The following ODAD4 variants were observed in gnomAD, a reference collection of about 807,000 sequenced individuals.
The protein encoded by ODAD4 is outer dynein arm docking complex subunit 4.
ODAD4 carries 49 observed loss-of-function variants against 51.8 expected under a neutral mutation model. That is an observed-to-expected ratio of 0.95 (90% CI 0.75 to 1.20). The LOEUF (loss-of-function observed/expected upper bound fraction) is 1.20. ODAD4 is among the 50% of genes most tolerant of loss of function. The probability of loss-of-function intolerance (pLI) is 0.00; values close to 1 mark genes in which losing one functional copy is unlikely to be tolerated. For missense variants in ODAD4, 590 were observed against 586.5 expected (o/e 1.01, Z -0.06); for synonymous variants, 235 against 221.3 (o/e 1.06, Z -0.55).
At chr17:41,948,873 C>T (rs940843411) in intron 8 of ODAD4, among the ~76,000 whole-genome samples, 1 of 152,256 alleles carries the variant, frequency 6.6e-6, no homozygotes, top group South Asian at 2.1e-4. Context: ...AACTCCTGAC[C>T]TCAGGTGATC....
intron 3 of ODAD4, among the ~76,000 whole-genome samples, chr17:41,936,028 G>C (rs1447460389): frequency 6.6e-6 from 1 of 152,212 alleles, no homozygotes; most frequent in Non-Finnish European, 1.5e-5. Context: ...TTTCAAAGTA[G>C]GCCTGTCTTT....
chr17:41,962,178 A>G (rs1282775047), intron 11 of ODAD4, among the ~76,000 whole-genome samples: 1 of 151,516 alleles, frequency 6.6e-6, no homozygotes, highest in African/African-American at 2.4e-5. Flanking sequence ...CTGTGGGGGG[A>G]AAGGGAGGCT....
At chr17:41,942,170 A>G (rs2050515996) in intron 7 of ODAD4, among the ~76,000 whole-genome samples, 1 of 152,164 alleles carries the variant, frequency 6.6e-6, no homozygotes, top group Non-Finnish European at 1.5e-5. Flanking sequence ...TCCTGACCTC[A>G]GGTGATCCGC....
At chr17:41,941,623 G>A (rs1312910846) in intron 7 of ODAD4, among the ~76,000 whole-genome samples, 4 of 152,138 alleles carry the variant, frequency 2.6e-5, no homozygotes, top group African/African-American at 9.6e-5. Context: ...AAATTAGCCG[G>A]GCGTAGTGTT....
chr17:41,960,736 G>A (rs782647437), intron 10 of ODAD4, among the ~76,000 whole-genome samples: 1 of 152,214 alleles, frequency 6.6e-6, no homozygotes, highest in Non-Finnish European at 1.5e-5. Context: ...CACAGTGGGA[G>A]GGAGGTGGGG....
chr17:41,960,459 C>A (rs899463137), intron 10 of ODAD4, among the ~76,000 whole-genome samples: 1 of 143,592 alleles, frequency 7.0e-6, no homozygotes, highest in Admixed American at 6.9e-5. Context: ...AAAAAAAAAA[C>A]AAACAAACAA....
In ODAD4 at chr17:41,938,717, C is replaced by T. The variant is rs1555638241; in HGVS notation, c.786C>T (p.Asp262=). The T allele has an allele frequency of 6.2e-7, 1 of 1,613,852 alleles. No individual in the cohort carries two copies. The highest frequency in any genetic ancestry group is 1.7e-5 in the Admixed American group (1 of 60,020). The part of the protein sequence containing the change: ...RKLMQEKWLR[D]HKRRPSQTAH... ...TGATGCAAGAGAAATGGCTGCGGGA[C>T]CACAAACGCCGTCCCTCACAGACAG... Residue 262 remains aspartate, a synonymous_variant, in exon 6 of 12, where the codon GAC becomes GAT. Transcript: ENST00000377540.
rs190442375 is a variant in ODAD4 at position 41,939,518 on chromosome 17, C to A, written c.1058+346C>A. 2.9e-3 allele frequency among the ~76,000 whole-genome samples: 447 copies of A among 152,354 alleles called. 3 individuals are homozygous for A. The highest frequency in any genetic ancestry group is 3.9e-3 in the Non-Finnish European group (262 of 68,038). On this transcript the variant is annotated intron_variant, in intron 7 of 11. Transcript: ENST00000377540. ...GTGGGAACACAGTAATAACCAGACA[C>A]AAGGGCCATTTCCCTGCAGATGTCA... is the stretch of plus-strand genomic sequence containing the variant.
chr17:41,961,821 C>G (rs1266055688), intron 11 of ODAD4, among the ~76,000 whole-genome samples: 1 of 152,212 alleles, frequency 6.6e-6, no homozygotes, highest in Non-Finnish European at 1.5e-5. Flanking sequence ...CAAGGCTGAC[C>G]AGTGGAGTTG....
At chr17:41,962,409 C>G (rs1302635739) in intron 11 of ODAD4, among the ~76,000 whole-genome samples, 1 of 152,174 alleles carries the variant, frequency 6.6e-6, no homozygotes, top group African/African-American at 2.4e-5. Context: ...TTGGGCTCTC[C>G]TTTCCTGCAG....
intron 8 of ODAD4, among the ~76,000 whole-genome samples, chr17:41,946,598 T>TA (rs1382356008): frequency 6.6e-6 from 1 of 152,254 alleles, no homozygotes; most frequent in Non-Finnish European, 1.5e-5. Context: ...GTGCTGGGAT[T>TA]ACAGGCGTGA....
In ODAD4 at chr17:41,957,148, C is replaced by T. The variant is rs552935705; in HGVS notation, c.1443+1831C>T. ...ATCAAACTCCTGGACTCAAGTGATCCTCCTGCCTCGGGCTTCCAAAGTGCT... is the reference window on the plus strand; with the variant it reads ...ATCAAACTCCTGGACTCAAGTGATCTTCCTGCCTCGGGCTTCCAAAGTGCT... On this transcript the variant is annotated intron_variant, in intron 10 of 11. Transcript: ENST00000377540. Among the ~76,000 whole-genome samples the T allele has an allele frequency of 2.4e-4, 37 of 152,214 alleles. No individual in the cohort carries two copies. The South Asian group carries it at 7.7e-3, about 32-fold the overall frequency.
chr17:41,963,641 CTTTTTT>C (rs571961236), intron 11 of ODAD4, among the ~76,000 whole-genome samples: 273 of 140,796 alleles, frequency 1.9e-3, no homozygotes, highest in African/African-American at 6.5e-3. Context: ...TCTTTTCTTT[CTTTTTT>C]TTTTTTTTTG....
chr17:41,944,537 C>T (rs1026427750), intron 7 of ODAD4, among the ~76,000 whole-genome samples: 1 of 151,568 alleles, frequency 6.6e-6, no homozygotes, highest in Non-Finnish European at 1.5e-5. Flanking sequence ...CATCTGTAAT[C>T]CCAGCACTTT....
intron 7 of ODAD4, among the ~76,000 whole-genome samples, chr17:41,939,656 A>T (rs556045204): frequency 2.0e-4 from 30 of 152,300 alleles, no homozygotes; most frequent in Non-Finnish European, 2.5e-4. Flanking sequence ...GACATTGGGG[A>T]ACACACAGGG....
In ODAD4 at chr17:41,965,192, C is replaced by A; in HGVS notation, c.1728C>A (p.Ser576Arg). 1 of 773,264 alleles carries A rather than the reference C, an allele frequency of 1.3e-6. No individual in the cohort carries two copies. The highest frequency in any genetic ancestry group is 1.7e-5 in the Admixed American group (1 of 57,598). 47.9% of individuals were successfully genotyped at this position (773,264 alleles called of 1,614,324 possible). The change falls in exon 12 of 12, where the codon AGC becomes AGA. Residue 576 changes from serine to arginine, a missense_variant. By Grantham distance (110) the Ser-to-Arg change is moderately radical. Transcript: ENST00000377540. ...KQSVEAGKAR[S>R]DLGAVAKGLS... ...GTGTGGAAGCAGGAAAAGCCAGAAG[C>A]GATTTGGGAGCAGTTGCCAAGGGCC...
Position 41,958,689 on chromosome 17 carries a change from T to C in ODAD4, c.1444-2693T>C, listed in dbSNP as rs368464537. Among the ~76,000 whole-genome samples the C allele has an allele frequency of 4.4e-5, 6 of 134,978 alleles. No homozygotes were observed. In the East Asian group the frequency reaches 1.3e-3, roughly 30 times the overall value. The allele number at this position is 134,978 out of a possible 152,430, so 88.6% of individuals were successfully genotyped here. A position where few individuals can be genotyped will look rare whatever the true frequency, so the allele number is the denominator to read the frequency against. ...AAAAAAAAAAAAAAAGTAAATAAAA[T>C]GTAAAATTCTCAGTCACACTAGCCA... On this transcript the variant is annotated intron_variant, in intron 10 of 11. Coordinates refer to ENST00000377540, the MANE Select transcript of ODAD4 (RefSeq NM_031421.5).
intron 5 of ODAD4, among the ~76,000 whole-genome samples, chr17:41,937,428 C>A (rs1167470818): frequency 1.3e-5 from 2 of 152,190 alleles, no homozygotes; most frequent in Non-Finnish European, 2.9e-5. Flanking sequence ...CAAACAAGTT[C>A]ATGGTGGAGT....
chr17:41,936,288 G>A (rs1201598781), intron 3 of ODAD4, among the ~76,000 whole-genome samples, 185 bp from the exon 4 acceptor site: 1 of 152,184 alleles, frequency 6.6e-6, no homozygotes, highest in Non-Finnish European at 1.5e-5. Flanking sequence ...GGCTAGCGGG[G>A]GCTGTTAGCT....
Sources: allele counts gnomAD v4.1 joint callset (sites outside exome capture counted in the v4.1 genomes callset), GRCh38; gene constraint gnomAD v4.1.1; transcripts MANE v1.5; gene names NCBI Gene and HGNC (gene_info 2026-07-23, HGNC 2026-07-21).